Variants in KIAA2012 observed in about 807,000 individuals in gnomAD.
The protein encoded by KIAA2012 is uncharacterized protein KIAA2012.
In KIAA2012, 125 loss-of-function variants were observed where a neutral mutation model predicts 150.6. That is an observed-to-expected ratio of 0.83 (90% CI 0.72 to 0.96). The LOEUF (loss-of-function observed/expected upper bound fraction) is 0.96, where lower values mean the gene tolerates loss of function less well. KIAA2012 is among the 40% of genes least tolerant of loss of function. KIAA2012 has a pLI of 0.00. For synonymous variants in KIAA2012, 462 were observed against 504.7 expected (o/e 0.92, Z 1.13); for missense variants, 1,219 against 1,354.9 (o/e 0.90, Z 1.57).
At chr2:202,097,618 C>A (rs1445276171) in intron 5 of KIAA2012, 41 bp downstream of exon 5, 1 of 1,536,686 alleles carries the variant, frequency 6.5e-7, no homozygotes, top group East Asian at 2.5e-5. Context: ...GAGACGGAGT[C>A]TCACTCTGTC....
chr2:202,140,054 C>A (rs1182805390), intron 13 of KIAA2012, among the ~76,000 whole-genome samples: 2 of 152,112 alleles, frequency 1.3e-5, no homozygotes, highest in Non-Finnish European at 2.9e-5. Flanking sequence ...ATGGTGAAAC[C>A]CCGTCTCTAC....
chr2:202,133,783 A>G (rs1358673326), intron 12 of KIAA2012, among the ~76,000 whole-genome samples: 1 of 152,198 alleles, frequency 6.6e-6, no homozygotes, highest in Non-Finnish European at 1.5e-5. Flanking sequence ...TAATGACAAT[A>G]CCAAAAGGCC....
rs1559232606 is a variant in KIAA2012 at position 202,187,062 on chromosome 2, A to G, written c.2340A>G (p.Arg780=). 1.9e-6 allele frequency: 3 copies of G among 1,550,576 alleles called. No individual in the cohort carries two copies. Among genetic ancestry groups the G allele is most frequent in the Middle Eastern group, 1.7e-4 (1 of 5,990 alleles). The change falls in exon 17 of 24, where the codon AGA becomes AGG. Residue 780 remains arginine (R), a synonymous_variant. Coordinates refer to ENST00000498697, the MANE Select transcript of KIAA2012 (RefSeq NM_001277372.4). ...AAAGAGAAGGGAAGGCTGAACCAAG[A>G]CTGTTTAGCCAGGAGACATCAGCCA... The part of the protein sequence containing the change: ...PREREGKAEP[R]LFSQETSANI...
intron 12 of KIAA2012, among the ~76,000 whole-genome samples, chr2:202,132,433 G>A (rs1020802803): frequency 5.3e-5 from 8 of 151,772 alleles, no homozygotes; most frequent in Non-Finnish European, 8.8e-5. Flanking sequence ...TTGGGAGGCC[G>A]AGGCAGGCAG....
chr2:202,103,089 C>T lies in KIAA2012; in HGVS notation c.1299C>T (p.Pro433=), dbSNP rs1332753635. 1.9e-6 allele frequency: 3 copies of T among 1,550,438 alleles called. No homozygotes were observed. The highest frequency in any genetic ancestry group is 1.4e-5 in the African/African-American group (1 of 73,010). ...AGATTCATTACCACACCAAACAACC[C>T]CCAAAAGAGAAAGCCCACAGAAGAG... ...PVEIHYHTKQ[P]PKEKAHRRGA... Residue 433 remains proline, a synonymous_variant, in exon 8 of 24, where the codon CCC becomes CCT. Transcript: ENST00000498697.
At chr2:202,152,964 T>TTAA (rs1691457210) in intron 13 of KIAA2012, among the ~76,000 whole-genome samples, 2 of 152,302 alleles carry the variant, frequency 1.3e-5, no homozygotes, top group Non-Finnish European at 2.9e-5. Context: ...TCATGACATA[T>TTAA]TAATGTATGT....
At chr2:202,165,493 G>A (rs774236586) in intron 15 of KIAA2012, 137 bp downstream of exon 15, 20 of 769,582 alleles carry the variant, frequency 2.6e-5, no homozygotes, top group African/African-American at 3.5e-5. Context: ...AGGCCAAGGC[G>A]GGTGGATCAC....
At chr2:202,073,792 G>C in intron 1 of KIAA2012, 81 bp downstream of exon 1, 1 of 1,265,018 alleles carries the variant, frequency 7.9e-7, no homozygotes, top group Non-Finnish European at 1.1e-6. Flanking sequence ...GGTAAACCAT[G>C]TGTGTCTTGG....
intron 11 of KIAA2012, chr2:202,113,676 G>C (rs1041654877): frequency 9.6e-6 from 5 of 519,096 alleles, no homozygotes; most frequent in Non-Finnish European, 1.7e-5. Context: ...AGAAGTTCCA[G>C]TGGAATGGCT....
intron 15 of KIAA2012, among the ~76,000 whole-genome samples, chr2:202,184,383 CA>C (rs5837809): frequency 0.57 from 68,016 of 119,060 alleles, 16,682 homozygotes; most frequent in East Asian, 0.7. Flanking sequence ...GACTCCGTCT[CA>C]AAAAAAAAAA....
intron 18 of KIAA2012, among the ~76,000 whole-genome samples, 189 bp downstream of exon 18, chr2:202,188,455 C>T (rs906824363): frequency 3.9e-5 from 6 of 152,004 alleles, no homozygotes; most frequent in Admixed American, 2.0e-4. Context: ...TACAGGAAAA[C>T]GGGGAGCCTA....
At chr2:202,188,679 G>A (rs968071523) in intron 18 of KIAA2012, among the ~76,000 whole-genome samples, 16 of 152,140 alleles carry the variant, frequency 1.1e-4, no homozygotes, top group African/African-American at 3.9e-4. Context: ...CAGTAAAGTG[G>A]TAGACCCAGG....
Position 202,133,194 on chromosome 2 carries a change from C to T in KIAA2012, c.1832-5238C>T, listed in dbSNP as rs1372346145. Reference sequence around the variant, plus strand: ...TGACATTTGCTGGCTGTTTTGTATGCAGTTCCACCTTCAGCCTTTTTTCTG... The same window carrying T: ...TGACATTTGCTGGCTGTTTTGTATGTAGTTCCACCTTCAGCCTTTTTTCTG... On this transcript the variant is annotated intron_variant, in intron 12 of 23. Coordinates refer to ENST00000498697, the MANE Select transcript of KIAA2012 (RefSeq NM_001277372.4). Among the ~76,000 whole-genome samples the T allele has an allele frequency of 2.1e-5, 3 of 145,308 alleles. No homozygotes were observed. The East Asian group carries it at 6.0e-4, about 29-fold the overall frequency.
chr2:202,192,194 A>G (rs6714090), intron 19 of KIAA2012, among the ~76,000 whole-genome samples: 149,573 of 152,268 alleles, frequency 0.98, 73,514 homozygotes, highest in East Asian at 1. Context: ...TCAATCCATA[A>G]TACTATGCTG....
At chr2:202,173,187 T>G (rs990833041) in intron 15 of KIAA2012, among the ~76,000 whole-genome samples, 1 of 152,074 alleles carries the variant, frequency 6.6e-6, no homozygotes, top group Non-Finnish European at 1.5e-5. Flanking sequence ...CTCTTCACCT[T>G]CCAGGAAGAA....
Position 202,105,890 on chromosome 2 carries a change from G to A in KIAA2012, c.1454G>A (p.Arg485Lys). 6.4e-7 allele frequency: 1 copy of A among 1,550,902 alleles called. No individual in the cohort carries two copies. The highest frequency in any genetic ancestry group is 8.7e-7 in the Non-Finnish European group (1 of 1,147,072). ...GTGCATCTCCCAGTGGACGCGAGCA[G>A]GGACACACTCTCACCTCAAGGTAGC... The part of the protein sequence containing the change: ...LTVHLPVDAS[R>K]DTLSPQDDDA... The change falls in exon 9 of 24, where the codon AGG becomes AAG. Residue 485 changes from arginine (R) to lysine (K), a missense_variant. Transcript: ENST00000498697.
rs1161858796 is a variant in KIAA2012, at chr2:202,189,213, C to G, written c.2491+947C>G. On this transcript the variant is annotated intron_variant, in intron 18 of 23. Transcript: ENST00000498697. ...AAGCTGCAACCTCAAGCCAGACTCT[C>G]AAGGTATGACTTTCCAGCTGTGTGT... Among the ~76,000 whole-genome samples the G allele has an allele frequency of 2.0e-5, 3 of 152,082 alleles. No homozygotes were observed. In the East Asian group the frequency reaches 5.8e-4, roughly 29 times the overall value.
At chr2:202,095,842 G>C (rs113133180) in intron 4 of KIAA2012, among the ~76,000 whole-genome samples, 1,692 of 152,276 alleles carry the variant, frequency 0.011, 30 homozygotes, top group African/African-American at 0.039. Context: ...CCAACACTTT[G>C]GTAGGTTGAG....
chr2:202,087,600 G>A (rs754237614), intron 2 of KIAA2012, among the ~76,000 whole-genome samples: 1 of 151,792 alleles, frequency 6.6e-6, no homozygotes, highest in South Asian at 2.1e-4. Context: ...AAAGTGGAGG[G>A]GCAGGAGTTT....
Sources: allele counts gnomAD v4.1 joint callset (sites outside exome capture counted in the v4.1 genomes callset), GRCh38; gene constraint gnomAD v4.1.1; transcripts MANE v1.5; gene names NCBI Gene and HGNC (gene_info 2026-07-23, HGNC 2026-07-21).